The following COL17A1 variants were observed in gnomAD, a reference collection of about 807,000 sequenced individuals.
The protein encoded by COL17A1 is collagen type XVII alpha 1 chain, also known as collagen alpha-1(XVII) chain.
COL17A1 carries 181 observed loss-of-function variants against 218.4 expected under a neutral mutation model. The observed-to-expected ratio is 0.83, with a 90% CI of 0.73 to 0.94. COL17A1 has a LOEUF of 0.94. Among genes scored for constraint, COL17A1 ranks in the 40% least tolerant of loss-of-function variants. The pLI, the probability that COL17A1 is intolerant of heterozygous loss-of-function variation, is 0.00. For missense variants in COL17A1, 1,924 were observed against 1,945.9 expected, an observed-to-expected ratio of 0.99 and a Z score of 0.21; for synonymous variants, 721 against 731.0, an observed-to-expected ratio of 0.99 and a Z score of 0.22.
chr10:104,069,375 G>C (rs1010774355), intron 9 of COL17A1, among the ~76,000 whole-genome samples: 4 of 152,126 alleles, frequency 2.6e-5, no homozygotes, highest in Non-Finnish European at 5.9e-5. Flanking sequence ...TACCTCAAGG[G>C]TGCTAAGGGG....
chr10:104,039,692 AAC>A lies in COL17A1; in HGVS notation c.2789-54_2789-53del, dbSNP rs140058583. On this transcript the variant is annotated intron_variant, in intron 41 of 55. Transcript: ENST00000648076. ...GTCAGCCTCACTTTTCTCACCCACT[AAC>A]AGCCCTGTAGAGCCTCCCCAAGATC... is the stretch of plus-strand genomic sequence containing the variant. 2.1e-3 allele frequency: 3,430 copies of A among 1,613,434 alleles called. 71 individuals are homozygous for A. In the African/African-American group the frequency reaches 0.041, roughly 19 times the overall value.
At chr10:104,062,420 T>C (rs1350379987) in intron 11 of COL17A1, 91 bp from the exon 12 acceptor site, 1 of 1,553,146 alleles carries the variant, frequency 6.4e-7, no homozygotes, top group Non-Finnish European at 8.9e-7. Context: ...ACCACTTTCA[T>C]GATCAATGGT....
At chr10:104,052,004 G>A (rs900598897) in intron 24 of COL17A1, 151 bp downstream of exon 24, 5 of 995,286 alleles carry the variant, frequency 5.0e-6, no homozygotes, top group African/African-American at 4.8e-5. Flanking sequence ...CTTTTCTGGG[G>A]GATGCTCTTT....
rs1844689221 is a variant in COL17A1, at chr10:104,031,933, G to C, written c.*302C>G. ...TTTATGTAACTGGCTTTCCTAGGCTGGGGCTTGAACTAAGTAAAGAAGCCA... is the reference window on the plus strand; with the variant it reads ...TTTATGTAACTGGCTTTCCTAGGCTCGGGCTTGAACTAAGTAAAGAAGCCA... On this transcript the variant is annotated 3_prime_UTR_variant, in exon 56 of 56. Coordinates refer to ENST00000648076, the MANE Select transcript of COL17A1 (RefSeq NM_000494.4). 2 of 469,008 alleles carry C rather than the reference G, an allele frequency of 4.3e-6. No homozygotes were observed. Among genetic ancestry groups the C allele is most frequent in the African/African-American group, 3.9e-5 (2 of 51,346 alleles). 29.1% of individuals were successfully genotyped at this position (469,008 alleles called of 1,614,324 possible).
At chr10:104,050,749 C>T in intron 26 of COL17A1, 93 bp from the exon 27 acceptor site, 2 of 1,614,116 alleles carry the variant, frequency 1.2e-6, no homozygotes, top group South Asian at 2.2e-5. Flanking sequence ...CTCCCTCAAT[C>T]CTGACTTCTT....
At chr10:104,042,169 A>G (rs1438942761) in intron 36 of COL17A1, among the ~76,000 whole-genome samples, 1 of 151,618 alleles carries the variant, frequency 6.6e-6, no homozygotes, top group Non-Finnish European at 1.5e-5. Flanking sequence ...TCAGCTGTAC[A>G]CTCCTGCCAG....
chr10:104,053,602 G>A (rs945074533), intron 22 of COL17A1, among the ~76,000 whole-genome samples: 1 of 151,390 alleles, frequency 6.6e-6, no homozygotes, highest in Non-Finnish European at 1.5e-5. Flanking sequence ...TCAAATGGTG[G>A]CCTCTCAGGG....
At position 104,033,945 on chromosome 10, in the gene COL17A1, G is replaced by A. The variant is rs375875610; in HGVS notation, c.4156C>T (p.Arg1386Cys). 10 of 1,614,090 alleles carry A rather than the reference G, an allele frequency of 6.2e-6. No individual in the cohort carries two copies. The highest frequency in any genetic ancestry group is 7.6e-6 in the Non-Finnish European group (9 of 1,180,020). The part of the protein sequence containing the change: ...LAVRVSESMQ[R>C]QGLLQGMAYT... ...CCAAGGCCTAAATGTCCCCACTTAC[G>A]CTGCATGCTCTCTGACACCCTCACA... The change falls in exon 52 of 56, where the codon CGT (arginine) becomes TGT (cysteine). Residue 1386 changes from arginine (R) to cysteine (C), a missense_variant and splice_region_variant. Coordinates refer to ENST00000648076, the MANE Select transcript of COL17A1 (RefSeq NM_000494.4).
chr10:104,049,579 G>A, intron 28 of COL17A1, 108 bp from the exon 29 acceptor site: 2 of 1,217,190 alleles, frequency 1.6e-6, no homozygotes, highest in Non-Finnish European at 2.4e-6. Context: ...CTTCTGCTTT[G>A]ATTCCAAGGT....
intron 44 of COL17A1, 64 bp downstream of exon 44, chr10:104,039,007 C>T: frequency 6.7e-7 from 1 of 1,492,454 alleles, no homozygotes; most frequent in Admixed American, 1.7e-5. Flanking sequence ...GCAACATCCT[C>T]ACTGGAATGA....
intron 43 of COL17A1, 81 bp downstream of exon 43, chr10:104,039,364 C>T (rs2134581307): frequency 6.9e-7 from 1 of 1,440,178 alleles, no homozygotes; most frequent in Non-Finnish European, 9.8e-7. Context: ...TGAGTACTTG[C>T]TGCCATCTCT....
chr10:104,080,128 C>T (rs1659105672), intron 2 of COL17A1, among the ~76,000 whole-genome samples: 1 of 152,092 alleles, frequency 6.6e-6, no homozygotes, highest in South Asian at 2.1e-4. Flanking sequence ...ATATGAAAGT[C>T]ACAGAATAAG....
At position 104,085,837 on chromosome 10, in the gene COL17A1, C is replaced by A. The variant is rs904263542; in HGVS notation, c.-126G>T. On this transcript the variant is annotated 5_prime_UTR_variant, in exon 1 of 56. Coordinates refer to ENST00000648076, the MANE Select transcript of COL17A1 (RefSeq NM_000494.4). ...AGTGCTCACTTTTTTTTTATCCAGACCCAGCCAAGGTGTGTTAAAGCTGAG... is the reference window on the plus strand; with the variant it reads ...AGTGCTCACTTTTTTTTTATCCAGAACCAGCCAAGGTGTGTTAAAGCTGAG... 1 of 152,514 alleles carries A rather than the reference C, an allele frequency of 6.6e-6. No homozygotes were observed. The highest frequency in any genetic ancestry group is 6.5e-5 in the Admixed American group (1 of 15,268). The allele number at this position is 152,514 out of a possible 1,614,324, so 9.4% of individuals were successfully genotyped here. A position where few individuals can be genotyped will look rare whatever the true frequency, so the allele number is the denominator to read the frequency against.
intron 42 of COL17A1, 24 bp from the exon 43 acceptor site, chr10:104,039,543 T>C (rs1051353723): frequency 1.2e-6 from 2 of 1,614,144 alleles, no homozygotes; most frequent in Non-Finnish European, 1.7e-6. Context: ...ACACACACAG[T>C]GCAGTCAGCC....
At position 104,057,092 on chromosome 10, in the gene COL17A1, C is replaced by T; in HGVS notation, c.1348G>A (p.Gly450Arg). The change falls in exon 17 of 56, where the codon GGA becomes AGA. Residue 450 changes from glycine (G) to arginine (R), a missense_variant. Coordinates refer to ENST00000648076, the MANE Select transcript of COL17A1 (RefSeq NM_000494.4). ...GVGGAGGGPW[G>R]PAPAWCPCGS... ...CAGGGGCACCAGGCTGGCGCTGGTC[C>T]CCAAGGGCCGCCGCCAGCGCCACCA... 6.2e-7 allele frequency: 1 copy of T among 1,612,692 alleles called. No individual in the cohort carries two copies. Among genetic ancestry groups the T allele is most frequent in the Non-Finnish European group, 8.5e-7 (1 of 1,179,294 alleles).
At position 104,040,369 on chromosome 10, in the gene COL17A1, C is replaced by T; in HGVS notation, c.2743G>A (p.Gly915Ser). 1.2e-6 allele frequency: 2 copies of T among 1,611,490 alleles called. No homozygotes were observed. The highest frequency in any genetic ancestry group is 8.5e-7 in the Non-Finnish European group (1 of 1,177,604). ...SGPPGPPGPP[G>S]PKGDQGPPGP... ...TTCTCACCTTGGTCTCCCTTGGGAC[C>T]TGGGGGGCCAGGTGGGCCTGGGGGG... Residue 915 changes from glycine to serine, a missense_variant, in exon 40 of 56, where the codon GGT becomes AGT. Coordinates refer to ENST00000648076, the MANE Select transcript of COL17A1 (RefSeq NM_000494.4).
chr10:104,071,525 T>G (rs1174015035), intron 8 of COL17A1, among the ~76,000 whole-genome samples: 2 of 152,202 alleles, frequency 1.3e-5, no homozygotes, highest in African/African-American at 4.8e-5. Context: ...GTCTCTGACA[T>G]TTGAAATAAA....
At chr10:104,041,750 T>A (rs1203277218) in intron 36 of COL17A1, among the ~76,000 whole-genome samples, 1 of 152,128 alleles carries the variant, frequency 6.6e-6, no homozygotes, top group Non-Finnish European at 1.5e-5. Flanking sequence ...ATAGTCAAGC[T>A]CCCTGACAGC....
At chr10:104,080,079 T>C (rs2086751485) in intron 2 of COL17A1, among the ~76,000 whole-genome samples, 1 of 152,210 alleles carries the variant, frequency 6.6e-6, no homozygotes, top group Admixed American at 6.5e-5. Context: ...ACTAAAACTT[T>C]CAAGTCTATG....
Sources: gnomAD v4.1 joint callset for allele counts (sites outside exome capture counted in the v4.1 genomes callset) on GRCh38, gnomAD v4.1.1 for gene constraint, MANE v1.5 for transcripts, NCBI Gene and HGNC (gene_info 2026-07-23, HGNC 2026-07-21) for gene names.